The following FGFR2 variants were observed in gnomAD, a reference collection of about 807,000 sequenced individuals.
FGFR2 encodes BEK fibroblast growth factor receptor.
A neutral mutation model predicts 95.9 loss-of-function variants in FGFR2; 19 were observed. The ratio of observed to expected loss-of-function variants is 0.20; its 90% CI spans 0.14 to 0.29. The LOEUF is 0.29. Among genes scored for constraint, FGFR2 ranks in the 10% least tolerant of loss-of-function variants. The probability of loss-of-function intolerance (pLI) is 1.00; values close to 1 mark genes in which losing one functional copy is unlikely to be tolerated. For synonymous variants in FGFR2, 392 were observed against 393.3 expected (o/e 1.00, Z 0.04); for missense variants, 707 against 1,056.9 (o/e 0.67, Z 4.59).
intron 5 of FGFR2, among the ~76,000 whole-genome samples, chr10:121,546,152 T>G (rs546364558): frequency 1.6e-4 from 24 of 146,558 alleles, no homozygotes; most frequent in African/African-American, 6.3e-4. Context: ...CTGAGCCCTG[T>G]GAAATATCTA....
intron 5 of FGFR2, among the ~76,000 whole-genome samples, chr10:121,543,054 C>T (rs904346465): frequency 3.3e-5 from 5 of 152,210 alleles, no homozygotes; most frequent in African/African-American, 1.2e-4. Flanking sequence ...AGGTAGAACG[C>T]TGTGTCCATG....
chr10:121,520,457 G>A (rs985347946), intron 6 of FGFR2, among the ~76,000 whole-genome samples: 1 of 152,170 alleles, frequency 6.6e-6, no homozygotes, highest in Non-Finnish European at 1.5e-5. Flanking sequence ...AATACGGGAA[G>A]AAATTCTACT....
intron 2 of FGFR2, among the ~76,000 whole-genome samples, chr10:121,593,372 TG>T: frequency 6.6e-6 from 1 of 152,322 alleles, no homozygotes; most frequent in East Asian, 1.9e-4. Context: ...GGAATGATGC[TG>T]GGGGAGACTA....
At chr10:121,489,555 G>A (rs775852219) in intron 13 of FGFR2, among the ~76,000 whole-genome samples, 2 of 152,072 alleles carry the variant, frequency 1.3e-5, no homozygotes, top group African/African-American at 2.4e-5. Context: ...CAAAATATGC[G>A]CAAGTTCGTA....
In FGFR2 at chr10:121,519,994, G is replaced by A. The variant is rs775459922; in HGVS notation, c.924C>T (p.Tyr308=). 9 of 1,614,080 alleles carry A rather than the reference G, an allele frequency of 5.6e-6. No individual in the cohort carries two copies. In the East Asian group the frequency reaches 8.9e-5, roughly 16 times the overall value. The change falls in exon 7 of 18, where the codon TAC becomes TAT. Residue 308 remains tyrosine (Y), a synonymous_variant. Transcript: ENST00000358487. ...AAGTCCTCACCTTGAGAACCTTGAG[G>A]TAGGGCAGCCCGTCGGGCCCGTATT... The part of the protein sequence containing the change: ...GSKYGPDGLP[Y]LKVLKAAGVN...
chr10:121,582,683 T>G (rs942792619), intron 2 of FGFR2, among the ~76,000 whole-genome samples: 1 of 152,044 alleles, frequency 6.6e-6, no homozygotes, highest in African/African-American at 2.4e-5. Context: ...CTCTAGACGC[T>G]GAGGCAGGAG....
intron 16 of FGFR2, 78 bp from the exon 17 acceptor site, chr10:121,483,881 G>A (rs1845079278): frequency 9.7e-7 from 1 of 1,033,368 alleles, no homozygotes; most frequent in South Asian, 1.3e-5. Context: ...TAGGCAATAT[G>A]GGGACGTGGT....
chr10:121,503,191 T>C (rs1409526754), intron 10 of FGFR2, among the ~76,000 whole-genome samples: 2 of 152,174 alleles, frequency 1.3e-5, no homozygotes, highest in African/African-American at 4.8e-5. Context: ...GACCAAGAGA[T>C]ACGTAGCCCC....
At position 121,593,791 on chromosome 10, in the gene FGFR2, G is replaced by A. The variant is rs1863033887; in HGVS notation, c.27C>T (p.Cys9=). MVSWGRFI[C]LVVVTMATLS... ...AGGTTGCCATGGTGACCACGACCAG[G>A]CAGATGAAACGACCCCAGCTGACCA... The change falls in exon 2 of 18, where the codon TGC becomes TGT. Residue 9 remains cysteine, a synonymous_variant. Coordinates refer to ENST00000358487, the MANE Select transcript of FGFR2 (RefSeq NM_000141.5). 6.2e-7 allele frequency: 1 copy of A among 1,614,188 alleles called. No homozygotes were observed. The highest frequency in any genetic ancestry group is 1.3e-5 in the African/African-American group (1 of 75,038).
chr10:121,580,491 G>A (rs11200018), intron 2 of FGFR2, among the ~76,000 whole-genome samples: 152 of 152,244 alleles, frequency 1.0e-3, no homozygotes, highest in African/African-American at 2.9e-3. Context: ...CCGTGCAGAC[G>A]CCTGAAGGCA....
chr10:121,536,197 G>A (rs1454648429), intron 6 of FGFR2, among the ~76,000 whole-genome samples: 2 of 152,150 alleles, frequency 1.3e-5, no homozygotes, highest in Non-Finnish European at 2.9e-5. Flanking sequence ...GTCTATATGA[G>A]CCTCTTTAGC....
At chr10:121,536,450 A>C (rs978612296) in intron 6 of FGFR2, among the ~76,000 whole-genome samples, 1 of 152,168 alleles carries the variant, frequency 6.6e-6, no homozygotes, top group Admixed American at 6.6e-5. Context: ...CAAATTTGTG[A>C]CATAATCAGG....
At chr10:121,555,057 G>A (rs1855941024) in intron 4 of FGFR2, among the ~76,000 whole-genome samples, 1 of 152,192 alleles carries the variant, frequency 6.6e-6, no homozygotes, top group South Asian at 2.1e-4. Flanking sequence ...TAACAGGGAT[G>A]TTTACTCAAC....
rs772431089 is a variant in FGFR2, at chr10:121,503,955, G to C, written c.1288-14C>G. ...CTCAGCCGAAACCTGGATACAAAAT[G>C]CAAAGACACAGATGTAATCCTGGCT... On this transcript the variant is annotated splice_polypyrimidine_tract_variant and intron_variant, in intron 9 of 17. Transcript: ENST00000358487. 6.2e-7 allele frequency: 1 copy of C among 1,613,754 alleles called. No homozygotes were observed. The highest frequency in any genetic ancestry group is 1.3e-5 in the African/African-American group (1 of 74,904).
chr10:121,542,088 A>G (rs912395869), intron 5 of FGFR2, among the ~76,000 whole-genome samples: 2 of 152,254 alleles, frequency 1.3e-5, no homozygotes, highest in Non-Finnish European at 2.9e-5. Context: ...AGTCATAAAA[A>G]GAATGAAGTA....
chr10:121,584,376 C>T (rs1861439175), intron 2 of FGFR2, among the ~76,000 whole-genome samples: 1 of 144,636 alleles, frequency 6.9e-6, no homozygotes, highest in African/African-American at 2.6e-5. Flanking sequence ...CCCTCTCCAT[C>T]CCGCACCCCA....
intron 2 of FGFR2, among the ~76,000 whole-genome samples, chr10:121,576,564 G>A (rs1268541270): frequency 6.6e-6 from 1 of 152,148 alleles, no homozygotes; most frequent in Non-Finnish European, 1.5e-5. Flanking sequence ...CAATCTTAGG[G>A]TGAAGAGTGG....
intron 6 of FGFR2, among the ~76,000 whole-genome samples, chr10:121,537,345 C>A (rs910065612): frequency 2.6e-5 from 4 of 152,206 alleles, no homozygotes; most frequent in African/African-American, 7.2e-5. Context: ...TCTCGTAGAT[C>A]CAATTCCATT....
At chr10:121,529,853 G>A (rs536724974) in intron 6 of FGFR2, among the ~76,000 whole-genome samples, 5 of 152,324 alleles carry the variant, frequency 3.3e-5, no homozygotes, top group Admixed American at 6.5e-5. Context: ...GGCTGCGTGA[G>A]CGTGCCACGT....
Sources: allele counts gnomAD v4.1 joint callset (sites outside exome capture counted in the v4.1 genomes callset), GRCh38; gene constraint gnomAD v4.1.1; transcripts MANE v1.5; gene names NCBI Gene and HGNC (gene_info 2026-07-23, HGNC 2026-07-21).